Variants in KAZN observed in about 807,000 individuals in gnomAD.
The protein encoded by KAZN is kazrin.
Under a neutral mutation model 87.4 loss-of-function variants are expected in KAZN, and 40 were observed. The ratio of observed to expected loss-of-function variants is 0.46; its 90% confidence interval spans 0.36 to 0.60. KAZN has a LOEUF of 0.60. KAZN is among the 20% of genes least tolerant of loss of function. KAZN has a pLI of 0.00. For missense variants in KAZN, 898 were observed against 1,073.9 expected (o/e 0.84, Z 2.29); for synonymous variants, 466 against 458.3 (o/e 1.02, Z -0.22).
At chr1:14,468,594 G>A (rs888994645) in intron 2 of KAZN, among the ~76,000 whole-genome samples, 1 of 152,182 alleles carries the variant, frequency 6.6e-6, no homozygotes, top group Non-Finnish European at 1.5e-5. Context: ...CTTCCTACAT[G>A]TCCACATTCC....
chr1:14,557,954 AC>A (rs1212853388), intron 2 of KAZN, among the ~76,000 whole-genome samples: 1 of 152,132 alleles, frequency 6.6e-6, no homozygotes. Flanking sequence ...CATTTAGAAG[AC>A]CCCAAACACC....
intron 1 of KAZN, among the ~76,000 whole-genome samples, chr1:14,632,564 T>C (rs996468715): frequency 1.4e-5 from 2 of 145,636 alleles, no homozygotes; most frequent in Non-Finnish European, 3.0e-5. Context: ...ATCCTTTCTT[T>C]TGGGCTTTTT....
intron 1 of KAZN, among the ~76,000 whole-genome samples, chr1:14,941,583 T>G (rs1033634705): frequency 2.0e-5 from 3 of 151,972 alleles, no homozygotes; most frequent in Non-Finnish European, 4.4e-5. Flanking sequence ...AGGTTCCGGT[T>G]TTTTTTACCC....
At chr1:14,309,441 G>A (rs567785022) in intron 2 of KAZN, among the ~76,000 whole-genome samples, 2 of 152,376 alleles carry the variant, frequency 1.3e-5, no homozygotes, top group South Asian at 2.1e-4. Context: ...CAGAGACAGA[G>A]TGGAATGGGA....
intron 1 of KAZN, among the ~76,000 whole-genome samples, chr1:14,117,655 C>A (rs982309698): frequency 2.6e-5 from 4 of 152,062 alleles, no homozygotes; most frequent in African/African-American, 9.7e-5. Context: ...TAAAGACAGG[C>A]ATAACCCAGA....
chr1:13,971,661 C>G (rs1471975214), intron 1 of KAZN, among the ~76,000 whole-genome samples: 1 of 151,924 alleles, frequency 6.6e-6, no homozygotes, highest in Non-Finnish European at 1.5e-5. Flanking sequence ...GGTGATATGG[C>G]TTGAAGCTGT....
At chr1:14,180,731 A>G (rs1646179772) in intron 2 of KAZN, 3 of 650,346 alleles carry the variant, frequency 4.6e-6, no homozygotes, top group Admixed American at 3.3e-5. Context: ...TATGTTGAGT[A>G]TTGGATTTCT....
chr1:15,107,505 GACCCTGGGCAAGTTA>G (rs968475159), intron 13 of KAZN, among the ~76,000 whole-genome samples: 2 of 152,248 alleles, frequency 1.3e-5, no homozygotes, highest in Admixed American at 6.5e-5. Context: ...CTGGCTGTGT[GACCCTGGGCAAGTTA>G]CTTAACCTCT....
At chr1:14,241,831 A>G (rs1052867929) in intron 2 of KAZN, among the ~76,000 whole-genome samples, 13 of 152,192 alleles carry the variant, frequency 8.5e-5, no homozygotes, top group African/African-American at 3.1e-4. Flanking sequence ...TTTTCATAAT[A>G]TCTGTCTCTT....
intron 1 of KAZN, among the ~76,000 whole-genome samples, chr1:14,051,034 G>T (rs996748410): frequency 1.3e-5 from 2 of 152,022 alleles, no homozygotes; most frequent in African/African-American, 4.8e-5. Context: ...GAGGAGGGAG[G>T]CTTCAGCAAA....
At chr1:14,926,012 C>A (rs1337828048) in intron 1 of KAZN, among the ~76,000 whole-genome samples, 1 of 152,230 alleles carries the variant, frequency 6.6e-6, no homozygotes, top group Non-Finnish European at 1.5e-5. Flanking sequence ...AAAGATCTGT[C>A]ATTCCAAAGA....
chr1:14,415,278 T>A (rs879747714), intron 2 of KAZN, among the ~76,000 whole-genome samples: 2 of 152,154 alleles, frequency 1.3e-5, no homozygotes, highest in African/African-American at 4.8e-5. Context: ...GGCTGTAGTA[T>A]TAATCCGGAC....
intron 8 of KAZN, chr1:15,067,041 C>G: frequency 1.0e-6 from 1 of 985,640 alleles, no homozygotes; most frequent in Non-Finnish European, 1.2e-6. Context: ...AAGGGTACGA[C>G]CAGTGGGACC....
chr1:14,501,115 ATAAATAAATAAATAAAAAT>A (rs1416410519), intron 2 of KAZN, among the ~76,000 whole-genome samples: 2 of 148,866 alleles, frequency 1.3e-5, no homozygotes, highest in African/African-American at 4.9e-5. Context: ...AAATAAATAA[ATAAATAAATAAATAAAAAT>A]AATAATAAAA....
rs1380845279 is a variant in KAZN, at chr1:15,096,452, G to T, written c.1547+1519G>T. The stretch of plus-strand genomic sequence containing the variant: ...CCGTCCTCTGCCTCCCAGGGGTGCG[G>T]CCTGCCCAGCCCCTGCCCCCGACAG... On this transcript the variant is annotated intron_variant, in intron 10 of 14. Coordinates refer to ENST00000376030, the MANE Select transcript of KAZN (RefSeq NM_201628.3). This position sits in a 1 kb window ranked among gnomAD's most constrained non-coding sequence, Gnocchi z 4.5. 6.6e-6 allele frequency among the ~76,000 whole-genome samples: 1 copy of T among 152,210 alleles called. No individual in the cohort carries two copies. Among genetic ancestry groups the T allele is most frequent in the Non-Finnish European group, 1.5e-5 (1 of 68,032 alleles).
At chr1:14,179,805 A>C in intron 1 of KAZN, among the ~76,000 whole-genome samples, 1 of 152,250 alleles carries the variant, frequency 6.6e-6, no homozygotes, top group Admixed American at 6.5e-5. Context: ...GCTGTGATCA[A>C]GTCCATTGTA....
At chr1:14,552,657 G>A (rs1289672291) in intron 2 of KAZN, among the ~76,000 whole-genome samples, 2 of 152,202 alleles carry the variant, frequency 1.3e-5, no homozygotes, top group Non-Finnish European at 2.9e-5. Context: ...GCAAGTCTGG[G>A]CATGAGCATT....
intron 1 of KAZN, among the ~76,000 whole-genome samples, chr1:14,671,965 G>C (rs1205832401): frequency 6.6e-6 from 1 of 152,204 alleles, no homozygotes; most frequent in Non-Finnish European, 1.5e-5. Flanking sequence ...CTTTAGAAAA[G>C]AGAATATTAC....
chr1:15,034,790 G>A lies in KAZN; in HGVS notation c.460G>A (p.Asp154Asn), dbSNP rs1672089652. 25 of 1,614,168 alleles carry A rather than the reference G, an allele frequency of 1.5e-5. No individual in the cohort carries two copies. Among genetic ancestry groups the A allele is most frequent in the Non-Finnish European group, 2.0e-5 (24 of 1,180,036 alleles). Residue 154 changes from aspartate to asparagine, a missense_variant, in exon 3 of 15, where the codon GAC becomes AAC. Asp to Asn is a conservative substitution (Grantham distance 23). This residue lies in a region of KAZN where 250 missense variants were observed against 263.0 expected (regional missense o/e 0.95). Transcript: ENST00000376030. ...DRKRLKGEKT[D>N]LVSQMQQLYA... is the part of the protein sequence containing the mutation. ...GAAGCGCTTAAAGGGCGAGAAGACA[G>A]ACCTGGTGAGCCAGATGCAGCAGCT...
Sources: gnomAD v4.1 joint callset for allele counts (sites outside exome capture counted in the v4.1 genomes callset) on GRCh38, gnomAD v4.1.1 for gene constraint, gnomAD v4.1.1 regional missense constraint, Gnocchi (gnomAD v3.1) non-coding constraint, MANE v1.5 for transcripts, NCBI Gene and HGNC (gene_info 2026-07-23, HGNC 2026-07-21) for gene names.